The following ATAD1 variants were observed in gnomAD, a reference collection of about 807,000 sequenced individuals.
ATAD1 encodes the protein outer mitochondrial transmembrane helix translocase.
A neutral mutation model predicts 42.7 loss-of-function variants in ATAD1; 18 were observed. The observed-to-expected ratio is 0.42, with a 90% confidence interval of 0.29 to 0.63. The LOEUF (loss-of-function observed/expected upper bound fraction) is 0.63, where lower values mean the gene tolerates loss of function less well. Ranked by LOEUF, ATAD1 falls within the 20% of genes least tolerant of loss-of-function variation. ATAD1 has a pLI of 0.19. For synonymous variants in ATAD1, 132 were observed against 143.1 expected (o/e 0.92, Z 0.55); for missense variants, 294 against 440.4 (o/e 0.67, Z 2.98).
chr10:87,781,100 T>C (rs925843776), intron 5 of ATAD1, among the ~76,000 whole-genome samples: 13 of 152,104 alleles, frequency 8.5e-5, no homozygotes, highest in African/African-American at 3.1e-4. Flanking sequence ...ACTCTGGATC[T>C]TCTTAGGCAA....
chr10:87,822,513 G>A (rs1373143163), upstream of ATAD1, among the ~76,000 whole-genome samples: 2 of 152,158 alleles, frequency 1.3e-5, no homozygotes, highest in Admixed American at 1.3e-4. Context: ...ATTATGTTGA[G>A]TGAAATAAGC....
chr10:87,821,042 T>A (rs1314882999), upstream of ATAD1, among the ~76,000 whole-genome samples: 5 of 152,234 alleles, frequency 3.3e-5, no homozygotes, highest in Non-Finnish European at 7.3e-5. Flanking sequence ...AAAGAATTAT[T>A]ACTTTATTCT....
chr10:87,780,778 C>T (rs962041628), intron 5 of ATAD1, among the ~76,000 whole-genome samples: 4 of 152,164 alleles, frequency 2.6e-5, no homozygotes, highest in African/African-American at 9.6e-5. Flanking sequence ...TCAAAAGGTT[C>T]TGCTTTGTTG....
intron 8 of ATAD1, among the ~76,000 whole-genome samples, chr10:87,758,927 C>T (rs1355236777): frequency 3.3e-5 from 5 of 152,026 alleles, no homozygotes; most frequent in African/African-American, 7.2e-5. Flanking sequence ...TTCTTAGGAC[C>T]GGTGACAGCA....
upstream of ATAD1, among the ~76,000 whole-genome samples, chr10:87,822,943 A>T (rs969859898): frequency 8.6e-5 from 13 of 152,040 alleles, no homozygotes; most frequent in Non-Finnish European, 1.8e-4. Flanking sequence ...AAACTTTTTT[A>T]AAAAATGAAA....
intron 1 of ATAD1, among the ~76,000 whole-genome samples, chr10:87,834,086 G>T (rs1366586121): frequency 6.6e-6 from 1 of 152,114 alleles, no homozygotes; most frequent in Non-Finnish European, 1.5e-5. Context: ...TAATATGGTG[G>T]ATTACATTGA....
chr10:87,834,192 G>A (rs187702508), intron 1 of ATAD1, among the ~76,000 whole-genome samples: 1 of 152,134 alleles, frequency 6.6e-6, no homozygotes, highest in Non-Finnish European at 1.5e-5. Context: ...GATTCAATTT[G>A]TTAATATTTT....
intron 2 of ATAD1, among the ~76,000 whole-genome samples, chr10:87,806,819 T>A (rs1856946131): frequency 6.6e-6 from 1 of 152,130 alleles, no homozygotes; most frequent in Non-Finnish European, 1.5e-5. Context: ...CACAAAGGTC[T>A]CCCTCCTCTT....
In ATAD1 at chr10:87,792,834, TA is replaced by T. The variant is rs1214717557; in HGVS notation, c.163-80del. The T allele has an allele frequency of 4.8e-6, 5 of 1,044,820 alleles. No homozygotes were observed. The East Asian group carries it at 1.2e-4, about 25-fold the overall frequency. The allele number at this position is 1,044,820 out of a possible 1,614,324, so 64.7% of individuals were successfully genotyped here. On this transcript the variant is annotated intron_variant, in intron 2 of 9. Coordinates refer to ENST00000680024, the MANE Select transcript of ATAD1 (RefSeq NM_001321967.2). ...CTTCGAAATAGATATATGTGAAGTC[TA>T]AAGAGCAATGAACAGATAGATATAC...
At chr10:87,767,875 C>A in intron 7 of ATAD1, 152 bp from the exon 8 acceptor site, 1 of 666,602 alleles carries the variant, frequency 1.5e-6, no homozygotes, top group Non-Finnish European at 2.5e-6. Flanking sequence ...CAACTAGATT[C>A]AAGGCTCTAG....
chr10:87,790,194 A>G, intron 4 of ATAD1, 116 bp downstream of exon 4: 1 of 1,200,632 alleles, frequency 8.3e-7, no homozygotes, highest in East Asian at 2.5e-5. Flanking sequence ...CTGTTCACAT[A>G]GATCTCAGCA....
chr10:87,818,053 A>G (rs1318922773), intron 1 of ATAD1, 114 bp downstream of exon 1: 2 of 985,554 alleles, frequency 2.0e-6, no homozygotes, highest in Non-Finnish European at 2.4e-6. Context: ...AGGGCGTGGG[A>G]GAAGACCGGG....
At position 87,784,495 on chromosome 10, in the gene ATAD1, T is replaced by C. The variant is rs1855726207; in HGVS notation, c.558A>G (p.Pro186=). The change falls in exon 5 of 10, where the codon CCA becomes CCG. Residue 186 remains proline, a synonymous_variant. Transcript: ENST00000680024. ...AVFSLAIKLQ[P]SIIFIDEIDS... is the part of the protein sequence containing the mutation. ...CTATTTCATCTATAAAGATGATGGATGGTTGTAGCTTTATGGCAAGGGAGA... is the reference window on the plus strand; with the variant it reads ...CTATTTCATCTATAAAGATGATGGACGGTTGTAGCTTTATGGCAAGGGAGA... 1.2e-6 allele frequency: 2 copies of C among 1,613,546 alleles called. No homozygotes were observed. Among genetic ancestry groups the C allele is most frequent in the Non-Finnish European group, 8.5e-7 (1 of 1,179,684 alleles).
chr10:87,775,523 A>C (rs540862713), intron 6 of ATAD1, among the ~76,000 whole-genome samples: 2 of 151,378 alleles, frequency 1.3e-5, no homozygotes, highest in East Asian at 3.9e-4. Context: ...TTAAAAAAAA[A>C]AAAAAAAAAA....
intron 8 of ATAD1, among the ~76,000 whole-genome samples, chr10:87,765,502 A>G (rs1433878087): frequency 1.3e-5 from 2 of 149,170 alleles, no homozygotes; most frequent in African/African-American, 2.5e-5. Flanking sequence ...GGTGGGGGGG[A>G]AGAAAACTCC....
intron 1 of ATAD1, among the ~76,000 whole-genome samples, chr10:87,816,806 T>C (rs1857437534): frequency 6.6e-6 from 1 of 152,082 alleles, no homozygotes; most frequent in African/African-American, 2.4e-5. Context: ...CAGAGGAAAA[T>C]AATTTAGACA....
At chr10:87,818,296 G>A, upstream of ATAD1, 11 of 982,592 alleles carry the variant, frequency 1.1e-5, no homozygotes, top group Non-Finnish European at 1.3e-5. Flanking sequence ...GCGACCCGCG[G>A]TCGCCGGCGC....
chr10:87,819,291 A>AAAAAAAAACC (rs1857577718), upstream of ATAD1: 1 of 141,938 alleles, frequency 7.0e-6, no homozygotes, highest in African/African-American at 2.6e-5. Flanking sequence ...AAAAAAAAAA[A>AAAAAAAAACC]CCACCTAAAA....
At chr10:87,768,112 G>A (rs1345514518) in intron 7 of ATAD1, among the ~76,000 whole-genome samples, 1 of 152,042 alleles carries the variant, frequency 6.6e-6, no homozygotes, top group African/African-American at 2.4e-5. Context: ...TCAAAGAGAT[G>A]GCAACAGTAA....
Sources: allele counts gnomAD v4.1 joint callset (sites outside exome capture counted in the v4.1 genomes callset), GRCh38; gene constraint gnomAD v4.1.1; transcripts MANE v1.5; gene names NCBI Gene and HGNC (gene_info 2026-07-23, HGNC 2026-07-21).